TP63: variants seen among roughly 807,000 people sequenced by gnomAD.
TP63 encodes tumor protein p63.
TP63 carries 17 observed loss-of-function variants against 82.8 expected under a neutral mutation model. The ratio of observed to expected loss-of-function variants is 0.21; its 90% CI spans 0.14 to 0.31. The LOEUF (loss-of-function observed/expected upper bound fraction) is 0.31, where lower values mean the gene tolerates loss of function less well. Among genes scored for constraint, TP63 ranks in the 10% least tolerant of loss-of-function variants. TP63 has a pLI of 1.00. For missense variants in TP63, 648 were observed against 895.3 expected, an observed-to-expected ratio of 0.72 and a Z score of 3.52; for synonymous variants, 330 against 321.7, an observed-to-expected ratio of 1.03 and a Z score of -0.28.
chr3:189,709,185 A>G (rs1486430502), intron 1 of TP63, among the ~76,000 whole-genome samples: 1 of 152,206 alleles, frequency 6.6e-6, no homozygotes, highest in African/African-American at 2.4e-5. Flanking sequence ...AGCTTTTTTG[A>G]GAACAAGGAA....
At chr3:189,791,975 T>G (rs1430768337) in intron 3 of TP63, among the ~76,000 whole-genome samples, 3 of 152,028 alleles carry the variant, frequency 2.0e-5, no homozygotes, top group Non-Finnish European at 4.4e-5. Flanking sequence ...AGATTAAAAA[T>G]GAAAAAGGCA....
At chr3:189,734,504 C>A (rs1255804089) in intron 1 of TP63, among the ~76,000 whole-genome samples, 1 of 152,192 alleles carries the variant, frequency 6.6e-6, no homozygotes, top group East Asian at 1.9e-4. Flanking sequence ...TGTTCCCTTC[C>A]CCAGTGGTAT....
chr3:189,774,537 A>C (rs1723632849), intron 3 of TP63, among the ~76,000 whole-genome samples: 1 of 152,186 alleles, frequency 6.6e-6, no homozygotes, highest in Non-Finnish European at 1.5e-5. Context: ...GTAGAACATA[A>C]AGATATATGC....
At chr3:189,675,955 C>A (rs551667625) in intron 1 of TP63, among the ~76,000 whole-genome samples, 1 of 151,942 alleles carries the variant, frequency 6.6e-6, no homozygotes, top group Non-Finnish European at 1.5e-5. Context: ...CACACACATT[C>A]ATTAAAAAGA....
intron 13 of TP63, 135 bp downstream of exon 13, chr3:189,891,017 C>A: frequency 1.3e-6 from 1 of 767,472 alleles, no homozygotes. Context: ...TTTGATAGAA[C>A]CCATAACTAT....
intron 1 of TP63, among the ~76,000 whole-genome samples, chr3:189,661,628 G>T (rs1713890353): frequency 6.6e-6 from 1 of 151,920 alleles, no homozygotes; most frequent in Non-Finnish European, 1.5e-5. Context: ...TGATTTTTTT[G>T]AAATAGTTTT....
At chr3:189,642,220 A>T (rs1449501211) in intron 1 of TP63, among the ~76,000 whole-genome samples, 1 of 152,226 alleles carries the variant, frequency 6.6e-6, no homozygotes, top group Non-Finnish European at 1.5e-5. Context: ...TTTATTAACT[A>T]GGACTTCCGT....
intron 3 of TP63, chr3:189,789,730 G>T (rs201196077): frequency 7.8e-7 from 1 of 1,288,394 alleles, no homozygotes; most frequent in Non-Finnish European, 1.0e-6. Context: ...TAAGGGTCTC[G>T]GGGTGGGGGG....
At chr3:189,614,916 C>A in the TP63 span, among the ~76,000 whole-genome samples, 2 of 152,160 alleles carry the variant, frequency 1.3e-5, no homozygotes, top group African/African-American at 4.8e-5. Flanking sequence ...ACAGCTACTT[C>A]CCACTCAAGG....
At chr3:189,699,535 T>G (rs2108736918) in intron 1 of TP63, among the ~76,000 whole-genome samples, 1 of 152,330 alleles carries the variant, frequency 6.6e-6, no homozygotes, top group Non-Finnish European at 1.5e-5. Flanking sequence ...CAGCCCATCA[T>G]CCAGTTGTCT....
At chr3:189,632,701 G>T (rs1300227416) in intron 1 of TP63, among the ~76,000 whole-genome samples, 1 of 152,062 alleles carries the variant, frequency 6.6e-6, no homozygotes, top group Non-Finnish European at 1.5e-5. Flanking sequence ...TTTGTTGGTG[G>T]TGGCTTGATT....
intron 3 of TP63, among the ~76,000 whole-genome samples, chr3:189,740,994 G>A (rs145020504): frequency 4.9e-4 from 75 of 152,218 alleles, no homozygotes; most frequent in Middle Eastern, 6.8e-3. Flanking sequence ...GGCTGTACTT[G>A]CCATGTCCAG....
At chr3:189,846,087 G>T (rs1475735519) in intron 4 of TP63, among the ~76,000 whole-genome samples, 3 of 152,020 alleles carry the variant, frequency 2.0e-5, no homozygotes, top group Non-Finnish European at 4.4e-5. Flanking sequence ...TACTGAGGCA[G>T]GTGGTAAAGG....
the TP63 span, among the ~76,000 whole-genome samples, chr3:189,605,604 G>A: frequency 6.6e-6 from 1 of 152,128 alleles, no homozygotes; most frequent in African/African-American, 2.4e-5. Context: ...CCTGCTATGT[G>A]ATCACTAAAT....
chr3:189,732,848 C>T (rs1486853018), intron 1 of TP63, among the ~76,000 whole-genome samples: 3 of 152,120 alleles, frequency 2.0e-5, no homozygotes, highest in African/African-American at 7.2e-5. Flanking sequence ...TCCTCTGCAG[C>T]AGGTTAATTG....
chr3:189,819,416 G>GTA (rs1241339822), intron 4 of TP63, among the ~76,000 whole-genome samples: 1 of 151,882 alleles, frequency 6.6e-6, no homozygotes, highest in African/African-American at 2.4e-5. Context: ...TTAGCATTAG[G>GTA]TATATCTCCT....
chr3:189,689,170 G>A (rs549278596), intron 1 of TP63, among the ~76,000 whole-genome samples: 7 of 127,408 alleles, frequency 5.5e-5, no homozygotes, highest in African/African-American at 2.1e-4. Context: ...AGGCTGGAGT[G>A]CAATGGCATG....
intron 4 of TP63, among the ~76,000 whole-genome samples, chr3:189,831,610 A>C (rs1312674873): frequency 6.6e-6 from 1 of 150,986 alleles, no homozygotes; most frequent in East Asian, 1.9e-4. Context: ...TTTTCTGGCC[A>C]GGTGCTCATT....
At chr3:189,682,570 A>ATATATATATATATATATATATATG (rs1716068871) in intron 1 of TP63, among the ~76,000 whole-genome samples, 1 of 17,312 alleles carries the variant, frequency 5.8e-5, no homozygotes, top group Non-Finnish European at 1.3e-4. Flanking sequence ...ATATATATAT[A>ATATATATATATATATATATATATG]TATATATATA....
Sources: allele counts gnomAD v4.1 joint callset (sites outside exome capture counted in the v4.1 genomes callset), GRCh38; gene constraint gnomAD v4.1.1; transcripts MANE v1.5; gene names NCBI Gene and HGNC (gene_info 2026-07-23, HGNC 2026-07-21).